Variants in PARD3B observed in about 807,000 individuals in gnomAD.
The protein encoded by PARD3B is par-3 family cell polarity regulator beta.
In PARD3B, 103 loss-of-function variants were observed where a neutral mutation model predicts 130.2. The observed-to-expected ratio is 0.79, with a 90% CI of 0.67 to 0.93. The LOEUF (loss-of-function observed/expected upper bound fraction) is 0.93. PARD3B is among the 40% of genes least tolerant of loss of function. The pLI is 0.00. For missense variants in PARD3B, 1,609 were observed against 1,499.2 expected, an observed-to-expected ratio of 1.07 and a Z score of -1.21; for synonymous variants, 583 against 553.2, an observed-to-expected ratio of 1.05 and a Z score of -0.76.
intron 3 of PARD3B, among the ~76,000 whole-genome samples, chr2:205,032,223 C>A (rs752872428): frequency 4.6e-5 from 7 of 151,838 alleles, no homozygotes; most frequent in Non-Finnish European, 8.8e-5. Flanking sequence ...GGTGAATTAG[C>A]CTGCTGGGGT....
At chr2:205,179,050 A>G (rs1176841503) in intron 13 of PARD3B, among the ~76,000 whole-genome samples, 1 of 152,198 alleles carries the variant, frequency 6.6e-6, no homozygotes, top group African/African-American at 2.4e-5. Flanking sequence ...TGAAGGGGGA[A>G]GACAGTAATA....
intron 1 of PARD3B, among the ~76,000 whole-genome samples, chr2:204,676,356 A>G (rs1433711750): frequency 2.6e-5 from 4 of 152,226 alleles, no homozygotes; most frequent in African/African-American, 9.6e-5. Flanking sequence ...TGGGGAATTC[A>G]AAATATGATG....
chr2:204,973,980 C>G (rs953579976), intron 3 of PARD3B, among the ~76,000 whole-genome samples: 1 of 152,194 alleles, frequency 6.6e-6, no homozygotes, highest in African/African-American at 2.4e-5. Context: ...CACACCCTGT[C>G]AATTTATCTT....
chr2:205,577,445 G>C (rs931665676), intron 22 of PARD3B, among the ~76,000 whole-genome samples: 1 of 152,186 alleles, frequency 6.6e-6, no homozygotes, highest in South Asian at 2.1e-4. Flanking sequence ...AACCTTAAAA[G>C]TGTGGTAGGA....
In PARD3B at chr2:204,906,264, G is replaced by A. The variant is rs2047039203; in HGVS notation, c.223-58888G>A. Among the ~76,000 whole-genome samples the A allele has an allele frequency of 2.0e-5, 3 of 152,138 alleles. No individual in the cohort carries two copies. Among genetic ancestry groups the A allele is most frequent in the African/African-American group, 7.2e-5 (3 of 41,432 alleles). On this transcript the variant is annotated intron_variant, in intron 2 of 22. Transcript: ENST00000406610. This position sits in a 1 kb window ranked among gnomAD's most constrained non-coding sequence, Gnocchi z 4.3. ...CTCTCTGTATGAGATTCTGGAGTAG[G>A]TGTCTCCTTCAGAATGCAACCCATT...
intron 3 of PARD3B, among the ~76,000 whole-genome samples, chr2:204,981,110 G>C (rs537791077): frequency 1.3e-5 from 2 of 152,256 alleles, no homozygotes; most frequent in East Asian, 1.9e-4. Context: ...ACCAGCTCTT[G>C]GTGAGCCTGT....
intron 19 of PARD3B, among the ~76,000 whole-genome samples, chr2:205,424,808 A>T (rs958744941): frequency 1.3e-5 from 2 of 152,140 alleles, no homozygotes; most frequent in African/African-American, 4.8e-5. Flanking sequence ...GTTTTCAGGT[A>T]TAACCCTTGG....
chr2:205,520,150 G>T (rs2050975010), intron 21 of PARD3B, among the ~76,000 whole-genome samples: 1 of 152,134 alleles, frequency 6.6e-6, no homozygotes, highest in African/African-American at 2.4e-5. Context: ...GTGGCCAAGG[G>T]TCTTTTGTTT....
At chr2:205,574,638 TGG>T (rs1023702263) in intron 22 of PARD3B, among the ~76,000 whole-genome samples, 2 of 151,538 alleles carry the variant, frequency 1.3e-5, no homozygotes, top group Non-Finnish European at 2.9e-5. Flanking sequence ...AGCACTCCAG[TGG>T]GGGGGCAACT....
At chr2:205,304,753 A>G (rs1025545839) in intron 18 of PARD3B, among the ~76,000 whole-genome samples, 1 of 152,102 alleles carries the variant, frequency 6.6e-6, no homozygotes, top group Non-Finnish European at 1.5e-5. Context: ...CCTGAACAAC[A>G]TGGCAAAAAC....
At chr2:204,952,993 T>C (rs1035145842) in intron 2 of PARD3B, among the ~76,000 whole-genome samples, 8 of 116,148 alleles carry the variant, frequency 6.9e-5, no homozygotes, top group African/African-American at 2.7e-4. Flanking sequence ...CGAGACTCAG[T>C]CTCAAAAAAA....
At chr2:204,801,413 T>C (rs1411462955) in intron 2 of PARD3B, among the ~76,000 whole-genome samples, 1 of 152,222 alleles carries the variant, frequency 6.6e-6, no homozygotes, top group Non-Finnish European at 1.5e-5. Context: ...GTAGTTTTCC[T>C]TGAAGAGGTC....
intron 18 of PARD3B, among the ~76,000 whole-genome samples, chr2:205,318,521 T>C (rs558196740): frequency 1.3e-5 from 2 of 152,320 alleles, no homozygotes; most frequent in East Asian, 3.9e-4. Flanking sequence ...ATATTTGTCC[T>C]GTGTATCCTA....
At chr2:205,033,349 A>G (rs960829488) in intron 3 of PARD3B, among the ~76,000 whole-genome samples, 4 of 152,194 alleles carry the variant, frequency 2.6e-5, no homozygotes, top group Admixed American at 6.6e-5. Flanking sequence ...CTTTCAAAGT[A>G]TATTTTAACC....
intron 2 of PARD3B, among the ~76,000 whole-genome samples, chr2:204,901,223 A>G (rs1157393767): frequency 6.6e-6 from 1 of 152,090 alleles, no homozygotes; most frequent in Admixed American, 6.6e-5. Flanking sequence ...GATCCAGAGA[A>G]CCAGTCAGGA....
At chr2:205,389,699 C>T (rs984664090) in intron 18 of PARD3B, among the ~76,000 whole-genome samples, 10 of 152,230 alleles carry the variant, frequency 6.6e-5, no homozygotes, top group Admixed American at 2.0e-4. Flanking sequence ...AGATGTGTAG[C>T]GTCAAAACTT....
chr2:205,322,357 A>G (rs542879864), intron 18 of PARD3B, among the ~76,000 whole-genome samples: 34 of 152,244 alleles, frequency 2.2e-4, no homozygotes, highest in African/African-American at 7.2e-4. Flanking sequence ...CTCCAGGTCA[A>G]AGTCTTGTGT....
intron 2 of PARD3B, among the ~76,000 whole-genome samples, chr2:204,740,967 A>G (rs1002794547): frequency 5.3e-5 from 8 of 152,232 alleles, no homozygotes; most frequent in Non-Finnish European, 1.0e-4. Flanking sequence ...CTTCTAAATC[A>G]TAAAATTGAG....
intron 18 of PARD3B, among the ~76,000 whole-genome samples, chr2:205,379,222 G>A (rs1489831410): frequency 6.6e-6 from 1 of 152,032 alleles, no homozygotes; most frequent in Non-Finnish European, 1.5e-5. Context: ...ACTGCCTCTG[G>A]TTTTGCTTCA....
Sources: gnomAD v4.1 joint callset for allele counts (sites outside exome capture counted in the v4.1 genomes callset) on GRCh38, gnomAD v4.1.1 for gene constraint, Gnocchi (gnomAD v3.1) non-coding constraint, MANE v1.5 for transcripts, NCBI Gene and HGNC (gene_info 2026-07-23, HGNC 2026-07-21) for gene names.